Variants in ERLIN2 observed in about 807,000 individuals in gnomAD.
ERLIN2 encodes ER lipid raft associated 2.
ERLIN2 carries 22 observed loss-of-function variants against 41.5 expected under a neutral mutation model. The observed-to-expected ratio is 0.53, with a 90% CI of 0.38 to 0.76. The LOEUF (loss-of-function observed/expected upper bound fraction) is 0.76, where lower values mean the gene tolerates loss of function less well. Among genes scored for constraint, ERLIN2 ranks in the 30% least tolerant of loss-of-function variants. ERLIN2 has a pLI of 0.00. For missense variants in ERLIN2, 247 were observed against 414.3 expected (o/e 0.60, Z 3.51); for synonymous variants, 149 against 150.9 (o/e 0.99, Z 0.09).
Position 37,741,503 on chromosome 8 carries a change from C to T in ERLIN2, c.190-269C>T, listed in dbSNP as rs1462874260. Among the ~76,000 whole-genome samples, 1 of 152,202 alleles carries T rather than the reference C, an allele frequency of 6.6e-6. No homozygotes were observed. The highest frequency in any genetic ancestry group is 1.9e-4 in the East Asian group (1 of 5,198). On this transcript the variant is annotated intron_variant, in intron 3 of 11. Coordinates refer to ENST00000519638, the MANE Select transcript of ERLIN2 (RefSeq NM_007175.8). The surrounding 1 kb of genome is among the most constrained non-coding windows in gnomAD (Gnocchi z 4.8). ...AGAAGAGGTAGAAGCAAGCACAAGTCTTAAGATGCCCAATCCAGTGTCATC... is the reference window on the plus strand; with the variant it reads ...AGAAGAGGTAGAAGCAAGCACAAGTTTTAAGATGCCCAATCCAGTGTCATC...
In ERLIN2 at chr8:37,741,833, A is replaced by T; in HGVS notation, c.236+15A>T. ...TGTGGGACTAGGTAAGGTACCCAGA[A>T]TAAAGCTTTTAAGCCCAAATAAGTC... On this transcript the variant is annotated intron_variant, in intron 4 of 11. Coordinates refer to ENST00000519638, the MANE Select transcript of ERLIN2 (RefSeq NM_007175.8). This position sits in a 1 kb window ranked among gnomAD's most constrained non-coding sequence, Gnocchi z 4.8. 6.2e-7 allele frequency: 1 copy of T among 1,607,624 alleles called. No homozygotes were observed. The highest frequency in any genetic ancestry group is 8.5e-7 in the Non-Finnish European group (1 of 1,174,056).
In ERLIN2 at chr8:37,753,896, C is replaced by CTT. The variant is rs748383831; in HGVS notation, c.820-7_820-6dup. The CTT allele has an allele frequency of 8.1e-5, 106 of 1,311,482 alleles. No individual in the cohort carries two copies. Among genetic ancestry groups the CTT allele is most frequent in the Non-Finnish European group, 9.7e-5 (90 of 931,462 alleles). The allele number at this position is 1,311,482 out of a possible 1,614,324, so 81.2% of individuals were successfully genotyped here. ...TATGGTTCAACATAAGTCTTCCATA[C>CTT]TTTTTTTTTTTTTAACAGCTGAAGC... is the stretch of plus-strand genomic sequence containing the variant. On this transcript the variant is annotated intron_variant, in intron 11 of 11. Transcript: ENST00000519638.
At chr8:37,751,593 C>T (rs1255783145) in intron 9 of ERLIN2, 33 bp from the exon 10 acceptor site, 1 of 1,561,138 alleles carries the variant, frequency 6.4e-7, no homozygotes, top group South Asian at 1.1e-5. Context: ...CTCTGAAATG[C>T]CAGAACCGTA....
intron 4 of ERLIN2, among the ~76,000 whole-genome samples, chr8:37,742,361 G>C (rs1256126771): frequency 6.7e-6 from 1 of 149,736 alleles, no homozygotes; most frequent in East Asian, 1.9e-4. Flanking sequence ...AAAAAAAGAA[G>C]TGAGGATCAC....
At position 37,756,990 on chromosome 8, in the gene ERLIN2, A is replaced by C. The variant is rs1803373045; in HGVS notation, c.*2875A>C. The C allele has an allele frequency of 6.6e-6, 1 of 152,246 alleles. No individual in the cohort carries two copies. The highest frequency in any genetic ancestry group is 1.5e-5 in the Non-Finnish European group (1 of 68,038). The allele number at this position is 152,246 out of a possible 1,614,324, so 9.4% of individuals were successfully genotyped here. On this transcript the variant is annotated 3_prime_UTR_variant, in exon 12 of 12. Transcript: ENST00000519638. ...ACCGAATGCAAGGAAACCAAAGTTTATTAATAATTTTTATATAACTAAAAT... is the reference window on the plus strand; with the variant it reads ...ACCGAATGCAAGGAAACCAAAGTTTCTTAATAATTTTTATATAACTAAAAT...
rs1046288733 is a variant in ERLIN2 at position 37,745,873 on chromosome 8, T to C, written c.424+1177T>C. On this transcript the variant is annotated intron_variant, in intron 6 of 11. Coordinates refer to ENST00000519638, the MANE Select transcript of ERLIN2 (RefSeq NM_007175.8). ...TTTTAACCTCAAACTAATAGAATTT[T>C]ATAAAATATTAATTTTCTCTAGCCA... The C allele has an allele frequency of 4.3e-5, 55 of 1,274,756 alleles. 1 individual carries two copies. Among genetic ancestry groups the C allele is most frequent in the Non-Finnish European group, 4.1e-5 (41 of 1,008,414 alleles). 79.0% of individuals were successfully genotyped at this position (1,274,756 alleles called of 1,614,324 possible).
chr8:37,754,388 C>T lies in ERLIN2; in HGVS notation c.*273C>T. The T allele has an allele frequency of 2.3e-6, 1 of 441,114 alleles. No individual in the cohort carries two copies. The highest frequency in any genetic ancestry group is 4.2e-6 in the Non-Finnish European group (1 of 237,806). The allele number at this position is 441,114 out of a possible 1,614,324, so 27.3% of individuals were successfully genotyped here. ...TTTGACCTCTAGACACTAATTTTAT[C>T]CTTTGAGGCTGGCTTAATTAGGGAT... On this transcript the variant is annotated 3_prime_UTR_variant, in exon 12 of 12. Transcript: ENST00000519638.
chr8:37,740,545 CA>C, intron 3 of ERLIN2, 99 bp downstream of exon 3: 1 of 690,938 alleles, frequency 1.4e-6, no homozygotes, highest in Non-Finnish European at 2.7e-6. Flanking sequence ...AGTAAAATGC[CA>C]TTCTAGAGAA....
Position 37,754,355 on chromosome 8 carries a change from G to T in ERLIN2, c.*240G>T. 1 of 519,942 alleles carries T rather than the reference G, an allele frequency of 1.9e-6. No homozygotes were observed. The highest frequency in any genetic ancestry group is 3.6e-5 in the East Asian group (1 of 28,072). 32.2% of individuals were successfully genotyped at this position (519,942 alleles called of 1,614,324 possible). A position where few individuals can be genotyped will look rare whatever the true frequency, so the allele number is the denominator to read the frequency against. On this transcript the variant is annotated 3_prime_UTR_variant, in exon 12 of 12. Coordinates refer to ENST00000519638, the MANE Select transcript of ERLIN2 (RefSeq NM_007175.8). The stretch of plus-strand genomic sequence containing the variant: ...TTCCAATAAGATTTGTAAATCATGG[G>T]CTTGACCTTTGACCTCTAGACACTA...
At chr8:37,744,115 C>T (rs1341650812) in intron 4 of ERLIN2, among the ~76,000 whole-genome samples, 3 of 152,162 alleles carry the variant, frequency 2.0e-5, no homozygotes, top group Non-Finnish European at 2.9e-5. Flanking sequence ...GTACTGGTCC[C>T]CAAAAGTCTC....
intron 6 of ERLIN2, chr8:37,746,245 A>G (rs1803044925): frequency 1.0e-6 from 1 of 985,700 alleles, no homozygotes; most frequent in Non-Finnish European, 1.2e-6. Flanking sequence ...CAGGACTCTT[A>G]TAGCCCAGAC....
intron 1 of ERLIN2, chr8:37,736,907 C>G: frequency 1.0e-6 from 1 of 985,854 alleles, no homozygotes; most frequent in East Asian, 1.1e-4. Context: ...GCTTGACCCT[C>G]TCTCGGAACG....
In ERLIN2 at chr8:37,744,355, T is replaced by C. The variant is rs1412482284; in HGVS notation, c.237T>C (p.Ser79=). 9 of 1,613,548 alleles carry C rather than the reference T, an allele frequency of 5.6e-6. No homozygotes were observed. The highest frequency in any genetic ancestry group is 7.6e-6 in the Non-Finnish European group (9 of 1,179,472). Residue 79 remains serine (S), a splice_region_variant and synonymous_variant, in exon 5 of 12, where the codon AGT becomes AGC. Coordinates refer to ENST00000519638, the MANE Select transcript of ERLIN2 (RefSeq NM_007175.8). ...DEVKNVPCGT[S]GGVMIYFDRI... ...TTCTTGTCCATTCTCCCTCCAATAG[T>C]GGTGGTGTGATGATCTACTTTGACA...
At chr8:37,745,880 TATTA>T in intron 6 of ERLIN2, 1 of 1,259,434 alleles carries the variant, frequency 7.9e-7, no homozygotes, top group Non-Finnish European at 1.0e-6. Flanking sequence ...TTTTATAAAA[TATTA>T]ATTTTCTCTA....
At chr8:37,749,238 T>C (rs560073663) in intron 6 of ERLIN2, among the ~76,000 whole-genome samples, 3 of 152,258 alleles carry the variant, frequency 2.0e-5, no homozygotes, top group Admixed American at 2.0e-4. Context: ...AGAAATGTGC[T>C]AGAATTGTTT....
chr8:37,737,699 G>A (rs1802699570), intron 1 of ERLIN2: 1 of 566,310 alleles, frequency 1.8e-6, no homozygotes, highest in Admixed American at 3.0e-5. Context: ...TCCTCAGTGC[G>A]GTGGGGGCTC....
chr8:37,747,763 C>G (rs763960837), intron 6 of ERLIN2: 1 of 1,609,090 alleles, frequency 6.2e-7, no homozygotes, highest in African/African-American at 1.3e-5. Context: ...GCCTTCAGGT[C>G]TCCGCAGATA....
At chr8:37,738,539 C>T (rs1219283396) in intron 2 of ERLIN2, among the ~76,000 whole-genome samples, 1 of 152,190 alleles carries the variant, frequency 6.6e-6, no homozygotes, top group South Asian at 2.1e-4. Context: ...AACATTTCAG[C>T]CAGCCTGGGT....
chr8:37,749,189 T>C lies in ERLIN2; in HGVS notation c.425-370T>C, dbSNP rs544538600. On this transcript the variant is annotated intron_variant, in intron 6 of 11. Transcript: ENST00000519638. ...GGAAACTGTGAACCTTCCTTCTCTT[T>C]TGCTGCTATTGTCTAGGGAAAGGCT... 3.9e-5 allele frequency among the ~76,000 whole-genome samples: 6 copies of C among 152,364 alleles called. No individual in the cohort carries two copies. The East Asian group carries it at 9.6e-4, about 24-fold the overall frequency.
Sources: gnomAD v4.1 joint callset for allele counts (sites outside exome capture counted in the v4.1 genomes callset) on GRCh38, gnomAD v4.1.1 for gene constraint, Gnocchi (gnomAD v3.1) non-coding constraint, MANE v1.5 for transcripts, NCBI Gene and HGNC (gene_info 2026-07-23, HGNC 2026-07-21) for gene names.